The following C8orf34 variants were observed in gnomAD, a reference collection of about 807,000 sequenced individuals.
C8orf34 encodes uncharacterized protein C8orf34.
A neutral mutation model predicts 68.3 loss-of-function variants in C8orf34; 65 were observed. The observed-to-expected ratio is 0.95, with a 90% CI of 0.78 to 1.17. The LOEUF (loss-of-function observed/expected upper bound fraction) is 1.17. C8orf34 is among the 50% of genes most tolerant of loss of function. The probability of loss-of-function intolerance (pLI) is 0.00; values close to 1 mark genes in which losing one functional copy is unlikely to be tolerated. For missense variants in C8orf34, 664 were observed against 655.4 expected (o/e 1.01, Z -0.14); for synonymous variants, 244 against 241.2 (o/e 1.01, Z -0.11).
At chr8:68,503,830 A>G (rs984071188) in intron 5 of C8orf34, among the ~76,000 whole-genome samples, 2 of 152,134 alleles carry the variant, frequency 1.3e-5, no homozygotes, top group African/African-American at 4.8e-5. Flanking sequence ...TTCCAAGTCC[A>G]TACTATAGTG....
At chr8:68,682,367 G>T (rs1159550449) in intron 8 of C8orf34, among the ~76,000 whole-genome samples, 1 of 152,030 alleles carries the variant, frequency 6.6e-6, no homozygotes, top group African/African-American at 2.4e-5. Flanking sequence ...AAGTTAAAAA[G>T]ATATTTTTTT....
At chr8:68,536,358 CA>C (rs10696903) in intron 7 of C8orf34, among the ~76,000 whole-genome samples, 123 of 49,226 alleles carry the variant, frequency 2.5e-3, no homozygotes, top group South Asian at 0.021. Flanking sequence ...GACCCTATCT[CA>C]AAAAAAAAAA....
At chr8:68,546,819 G>C (rs1815899636) in intron 7 of C8orf34, among the ~76,000 whole-genome samples, 1 of 151,720 alleles carries the variant, frequency 6.6e-6, no homozygotes, top group Non-Finnish European at 1.5e-5. Flanking sequence ...TTGGAAATCA[G>C]ACAGTTTTAA....
chr8:68,391,886 A>G (rs1047831798), intron 1 of C8orf34, among the ~76,000 whole-genome samples: 2 of 152,142 alleles, frequency 1.3e-5, no homozygotes, highest in African/African-American at 2.4e-5. Flanking sequence ...AAGAAATCAC[A>G]TGGTCACTCA....
At chr8:68,699,615 A>G (rs1820931378) in intron 8 of C8orf34, among the ~76,000 whole-genome samples, 1 of 152,092 alleles carries the variant, frequency 6.6e-6, no homozygotes, top group Non-Finnish European at 1.5e-5. Flanking sequence ...ATCCTGCTCC[A>G]GACTTCATCT....
chr8:68,669,369 A>T (rs983666133), intron 8 of C8orf34, among the ~76,000 whole-genome samples: 1 of 152,144 alleles, frequency 6.6e-6, no homozygotes, highest in Non-Finnish European at 1.5e-5. Flanking sequence ...TAAAAAAATG[A>T]TCCTTTAGCA....
chr8:68,330,765 A>C, upstream of C8orf34: 16 of 381,934 alleles, frequency 4.2e-5, no homozygotes, highest in Non-Finnish European at 4.6e-5. Flanking sequence ...TCACCGGGGA[A>C]AGGAGGTACA....
intron 4 of C8orf34, among the ~76,000 whole-genome samples, chr8:68,469,260 C>G (rs747487883): frequency 2.0e-5 from 3 of 152,100 alleles, no homozygotes; most frequent in African/African-American, 4.8e-5. Context: ...GAGCCTAGCA[C>G]AATGCCTAGT....
At chr8:68,584,527 A>G (rs78407434) in intron 7 of C8orf34, among the ~76,000 whole-genome samples, 2,217 of 152,184 alleles carry the variant, frequency 0.015, 52 homozygotes, top group African/African-American at 0.05. Flanking sequence ...CATACCTTCA[A>G]TGTTGTATCT....
At chr8:68,765,823 C>T (rs999290290) in intron 10 of C8orf34, among the ~76,000 whole-genome samples, 1 of 152,158 alleles carries the variant, frequency 6.6e-6, no homozygotes, top group South Asian at 2.1e-4. Context: ...TAGGCCCCTT[C>T]AATTAAATAT....
intron 10 of C8orf34, among the ~76,000 whole-genome samples, chr8:68,752,001 A>G (rs1822721994): frequency 6.6e-6 from 1 of 152,158 alleles, no homozygotes; most frequent in Non-Finnish European, 1.5e-5. Flanking sequence ...TTTATGTTTT[A>G]GTTTAATTGC....
At chr8:68,372,273 A>G (rs533035112) in intron 1 of C8orf34, among the ~76,000 whole-genome samples, 1 of 152,268 alleles carries the variant, frequency 6.6e-6, no homozygotes, top group South Asian at 2.1e-4. Context: ...GAAAAAGCAA[A>G]CAGGGAAAAA....
At chr8:68,789,139 G>A (rs1406883046) in intron 12 of C8orf34, among the ~76,000 whole-genome samples, 1 of 152,008 alleles carries the variant, frequency 6.6e-6, no homozygotes, top group Non-Finnish European at 1.5e-5. Flanking sequence ...TGGCTGTAGT[G>A]GTTTTTCACC....
chr8:68,392,005 T>C (rs1414482738), intron 1 of C8orf34, among the ~76,000 whole-genome samples: 1 of 152,154 alleles, frequency 6.6e-6, no homozygotes, highest in Non-Finnish European at 1.5e-5. Context: ...ATACAACTTT[T>C]CACTCCTGGG....
intron 2 of C8orf34, 33 bp from the exon 3 acceptor site, chr8:68,446,296 T>G (rs757658714): frequency 6.5e-7 from 1 of 1,544,354 alleles, no homozygotes; most frequent in Non-Finnish European, 8.7e-7. Context: ...GAAATCACTT[T>G]GTTGCCATTT....
intron 8 of C8orf34, 85 bp from the exon 9 acceptor site, chr8:68,708,909 C>A: frequency 1.1e-6 from 1 of 938,636 alleles, no homozygotes; most frequent in South Asian, 1.5e-5. Context: ...TCTAGAAGTT[C>A]ACAGCCATGT....
intron 5 of C8orf34, among the ~76,000 whole-genome samples, chr8:68,488,560 T>C (rs1813174667): frequency 6.6e-6 from 1 of 152,130 alleles, no homozygotes; most frequent in South Asian, 2.1e-4. Flanking sequence ...TATAGTTGTG[T>C]CACTGGAACT....
At position 68,351,918 on chromosome 8, in the gene C8orf34, T is replaced by C. The variant is rs369193081; in HGVS notation, c.327+20579T>C. Among the ~76,000 whole-genome samples, 7 of 152,240 alleles carry C rather than the reference T, an allele frequency of 4.6e-5. No homozygotes were observed. The East Asian group carries it at 9.6e-4, about 21-fold the overall frequency. Reference sequence around the variant, plus strand: ...TGATAGGTGTGTAGTGGAATCTCATTGTTTTAATTTATAATTCCCTAATGG... The same window carrying C: ...TGATAGGTGTGTAGTGGAATCTCATCGTTTTAATTTATAATTCCCTAATGG... On this transcript the variant is annotated intron_variant, in intron 1 of 13. Transcript: ENST00000518698.
chr8:68,767,397 G>A (rs1281572022), intron 10 of C8orf34, among the ~76,000 whole-genome samples: 1 of 152,036 alleles, frequency 6.6e-6, no homozygotes, highest in African/African-American at 2.4e-5. Flanking sequence ...AAAAAATCTG[G>A]CACATCCTTT....
Sources: allele counts gnomAD v4.1 joint callset (sites outside exome capture counted in the v4.1 genomes callset), GRCh38; gene constraint gnomAD v4.1.1; transcripts MANE v1.5; gene names NCBI Gene and HGNC (gene_info 2026-07-23, HGNC 2026-07-21).